The following TYW1 variants were observed in gnomAD, a reference collection of about 807,000 sequenced individuals.
TYW1 encodes S-adenosyl-L-methionine-dependent tRNA 4-demethylwyosine synthase TYW1.
Under a neutral mutation model 96.2 loss-of-function variants are expected in TYW1, and 46 were observed. The ratio of observed to expected loss-of-function variants is 0.48; its 90% CI spans 0.38 to 0.61. TYW1 has a LOEUF of 0.61. TYW1 is among the 20% of genes least tolerant of loss of function. TYW1 has a pLI of 0.00. For missense variants in TYW1, 684 were observed against 909.6 expected, an observed-to-expected ratio of 0.75 and a Z score of 3.19; for synonymous variants, 274 against 323.0, an observed-to-expected ratio of 0.85 and a Z score of 1.63.
chr7:67,078,888 G>A (rs1367833394), intron 10 of TYW1, among the ~76,000 whole-genome samples: 1 of 151,928 alleles, frequency 6.6e-6, no homozygotes, highest in South Asian at 2.1e-4. Context: ...TAGAGACAGG[G>A]TTTCACTGTA....
At chr7:67,214,786 T>C (rs898039986) in intron 15 of TYW1, among the ~76,000 whole-genome samples, 2 of 143,464 alleles carry the variant, frequency 1.4e-5, no homozygotes, top group African/African-American at 5.4e-5. Context: ...CTTTAGCCTA[T>C]TGATATGACA....
chr7:67,197,952 T>TCCCCCCC (rs1563067011), intron 15 of TYW1, among the ~76,000 whole-genome samples: 8 of 125,956 alleles, frequency 6.4e-5, no homozygotes, highest in Admixed American at 8.8e-5. Context: ...CTCCCTTCCC[T>TCCCCCCC]ACCCCTGCCC....
intron 9 of TYW1, among the ~76,000 whole-genome samples, chr7:67,059,096 G>GTTT (rs557933957): frequency 1.5e-4 from 19 of 124,598 alleles, no homozygotes; most frequent in East Asian, 7.5e-4. Context: ...TGAAGACAAA[G>GTTT]TTTTTTTTTT....
intron 13 of TYW1, among the ~76,000 whole-genome samples, chr7:67,181,000 G>T (rs1799823820): frequency 6.6e-6 from 1 of 151,620 alleles, no homozygotes; most frequent in African/African-American, 2.4e-5. Flanking sequence ...GAATGTTGTG[G>T]ATTTTTTTTT....
Position 67,173,389 on chromosome 7 carries a change from T to G in TYW1, c.1699-9737T>G, listed in dbSNP as rs1008929326. On this transcript the variant is annotated intron_variant, in intron 13 of 15. Coordinates refer to ENST00000359626, the MANE Select transcript of TYW1 (RefSeq NM_018264.4). ...TGGTATCTTTTAATATAGTCTGTGT[T>G]TCTTTGTAATTCCTGTAAAATGGTA... 2.9e-4 allele frequency among the ~76,000 whole-genome samples: 44 copies of G among 152,304 alleles called. 2 individuals carry two copies. Among genetic ancestry groups the G allele is most frequent in the African/African-American group, 1.0e-3 (43 of 41,544 alleles).
At chr7:66,998,717 G>T in intron 2 of TYW1, 100 bp from the exon 3 acceptor site, 1 of 1,371,452 alleles carries the variant, frequency 7.3e-7, no homozygotes, top group Non-Finnish European at 1.0e-6. Context: ...CAGATTAAGA[G>T]AAAAATAAAA....
chr7:67,092,216 G>A (rs1335635204), intron 11 of TYW1, among the ~76,000 whole-genome samples: 1 of 152,052 alleles, frequency 6.6e-6, no homozygotes, highest in Non-Finnish European at 1.5e-5. Context: ...AGTAGAGCCA[G>A]CTGATTGACT....
chr7:67,143,169 A>G (rs1176819876), intron 13 of TYW1, among the ~76,000 whole-genome samples: 1 of 151,984 alleles, frequency 6.6e-6, no homozygotes, highest in Non-Finnish European at 1.5e-5. Flanking sequence ...ATTTCCACCA[A>G]CTCTTGCTTT....
intron 3 of TYW1, among the ~76,000 whole-genome samples, chr7:67,001,582 C>T (rs1443785343): frequency 6.6e-6 from 1 of 151,548 alleles, no homozygotes; most frequent in Non-Finnish European, 1.5e-5. Context: ...CCACTATGCC[C>T]AGCTAGTTTT....
chr7:67,098,612 G>A lies in TYW1; in HGVS notation c.1456G>A (p.Gly486Arg). 1 of 1,613,556 alleles carries A rather than the reference G, an allele frequency of 6.2e-7. No homozygotes were observed. The highest frequency in any genetic ancestry group is 8.5e-7 in the Non-Finnish European group (1 of 1,179,860). Residue 486 changes from glycine (G) to arginine (R), a missense_variant, in exon 12 of 16, where the codon GGA (glycine) becomes AGA (arginine). By Grantham distance (125) the Gly-to-Arg change is moderately radical. Transcript: ENST00000359626. ...TVKHCALSLV[G>R]EPIMYPEINR... is the part of the protein sequence containing the mutation. ...AAAGCACTGTGCATTGTCCCTCGTG[G>A]GAGAACCAATAATGTACCCAGAGAT... is the stretch of plus-strand genomic sequence containing the variant.
chr7:67,131,540 A>G (rs1283182704), intron 13 of TYW1, among the ~76,000 whole-genome samples: 2 of 152,010 alleles, frequency 1.3e-5, no homozygotes, highest in Non-Finnish European at 2.9e-5. Flanking sequence ...ATCGTTCCAT[A>G]TTGTCTTCAG....
intron 7 of TYW1, among the ~76,000 whole-genome samples, chr7:67,046,770 G>T (rs1382997517): frequency 6.6e-6 from 1 of 152,184 alleles, no homozygotes; most frequent in African/African-American, 2.4e-5. Flanking sequence ...GCCTTAGTGG[G>T]AAGGAGTGAT....
intron 11 of TYW1, among the ~76,000 whole-genome samples, chr7:67,097,462 T>C (rs2686982): frequency 6.6e-6 from 1 of 151,976 alleles, no homozygotes. Flanking sequence ...GCGGTGGCAC[T>C]GTCTCCTCTC....
At chr7:67,170,019 A>G (rs191110749) in intron 13 of TYW1, among the ~76,000 whole-genome samples, 2 of 152,170 alleles carry the variant, frequency 1.3e-5, no homozygotes, top group East Asian at 3.9e-4. Context: ...TTTTGGTGTC[A>G]TATCTAATTT....
intron 13 of TYW1, among the ~76,000 whole-genome samples, chr7:67,161,941 G>A (rs1267045150): frequency 6.6e-6 from 1 of 151,994 alleles, no homozygotes; most frequent in African/African-American, 2.4e-5. Flanking sequence ...TAAAGAGTCT[G>A]GTTTTTGTTT....
intron 13 of TYW1, among the ~76,000 whole-genome samples, chr7:67,137,469 A>G (rs894365270): frequency 6.6e-6 from 1 of 152,134 alleles, no homozygotes; most frequent in Non-Finnish European, 1.5e-5. Context: ...AATAAATAAA[A>G]TAAAAGAGAA....
chr7:67,047,240 C>G (rs567700481), intron 7 of TYW1, among the ~76,000 whole-genome samples: 1 of 152,278 alleles, frequency 6.6e-6, no homozygotes, highest in South Asian at 2.1e-4. Context: ...ACTTCTTTAT[C>G]AAGCTCACAC....
chr7:67,142,613 T>A (rs1481858177), intron 13 of TYW1, among the ~76,000 whole-genome samples: 1 of 151,820 alleles, frequency 6.6e-6, no homozygotes, highest in Non-Finnish European at 1.5e-5. Context: ...ATTTATTTTT[T>A]AAGAGGCAGG....
chr7:67,066,067 C>T (rs538304270), intron 9 of TYW1, among the ~76,000 whole-genome samples: 7 of 151,948 alleles, frequency 4.6e-5, no homozygotes, highest in East Asian at 1.9e-4. Context: ...GCTACTCATT[C>T]GTGTCTCTGC....
Sources: gnomAD v4.1 joint callset for allele counts (sites outside exome capture counted in the v4.1 genomes callset) on GRCh38, gnomAD v4.1.1 for gene constraint, MANE v1.5 for transcripts, NCBI Gene and HGNC (gene_info 2026-07-23, HGNC 2026-07-21) for gene names.